The following SPIDR variants were observed in gnomAD, a reference collection of about 807,000 sequenced individuals.
SPIDR encodes DNA repair-scaffolding protein.
A neutral mutation model predicts 104.6 loss-of-function variants in SPIDR; 93 were observed. The observed-to-expected ratio is 0.89, with a 90% CI of 0.75 to 1.06. The LOEUF is 1.06. Among genes scored for constraint, SPIDR ranks in the 50% least tolerant of loss-of-function variants. SPIDR has a pLI of 0.00. For synonymous variants in SPIDR, 431 were observed against 416.9 expected, an observed-to-expected ratio of 1.03 and a Z score of -0.41; for missense variants, 1,154 against 1,111.2, an observed-to-expected ratio of 1.04 and a Z score of -0.55.
chr8:47,493,539 TA>T (rs1410018111), intron 8 of SPIDR, among the ~76,000 whole-genome samples: 1 of 152,214 alleles, frequency 6.6e-6, no homozygotes, highest in East Asian at 1.9e-4. Flanking sequence ...AAAGCCTACT[TA>T]TTTTTCAGTA....
chr8:47,669,139 C>T (rs1483220749), intron 10 of SPIDR, among the ~76,000 whole-genome samples: 1 of 152,132 alleles, frequency 6.6e-6, no homozygotes, highest in Non-Finnish European at 1.5e-5. Flanking sequence ...AATGCTGCCC[C>T]CCGGGAAGCC....
At chr8:47,261,613 C>T (rs1042347887) in intron 1 of SPIDR, among the ~76,000 whole-genome samples, 11 of 152,234 alleles carry the variant, frequency 7.2e-5, no homozygotes, top group African/African-American at 1.9e-4. Context: ...CTTCTAACTT[C>T]CTTGCTTTCA....
intron 8 of SPIDR, among the ~76,000 whole-genome samples, chr8:47,479,890 C>T (rs2076700271): frequency 6.6e-6 from 1 of 152,182 alleles, no homozygotes; most frequent in Non-Finnish European, 1.5e-5. Context: ...GTGAGAACTA[C>T]AATAGCTTCT....
At chr8:47,607,080 G>A (rs934216768) in intron 10 of SPIDR, among the ~76,000 whole-genome samples, 1 of 152,162 alleles carries the variant, frequency 6.6e-6, no homozygotes, top group Non-Finnish European at 1.5e-5. Flanking sequence ...TAAGGTGGTT[G>A]TTGTCACTCA....
intron 10 of SPIDR, among the ~76,000 whole-genome samples, chr8:47,632,637 A>G (rs994013701): frequency 6.6e-6 from 1 of 152,226 alleles, no homozygotes; most frequent in African/African-American, 2.4e-5. Flanking sequence ...CCCACTGCAC[A>G]GCATTTCAGT....
intron 10 of SPIDR, among the ~76,000 whole-genome samples, chr8:47,641,145 A>G (rs191669881): frequency 6.6e-6 from 1 of 151,962 alleles, no homozygotes; most frequent in African/African-American, 2.4e-5. Context: ...AAGAAATTAA[A>G]TAAGACTAGG....
chr8:47,489,090 T>C (rs57210767), intron 8 of SPIDR, among the ~76,000 whole-genome samples: 2,759 of 152,300 alleles, frequency 0.018, 84 homozygotes, highest in African/African-American at 0.064. Flanking sequence ...CATGATTGTA[T>C]ATTTAGAAAA....
At chr8:47,516,780 T>G (rs1240191471) in intron 8 of SPIDR, among the ~76,000 whole-genome samples, 2 of 152,160 alleles carry the variant, frequency 1.3e-5, no homozygotes, top group Non-Finnish European at 2.9e-5. Flanking sequence ...CTCTCAATTT[T>G]TTTTCGGCTA....
At chr8:47,664,938 A>G (rs2074700801) in intron 10 of SPIDR, among the ~76,000 whole-genome samples, 1 of 151,862 alleles carries the variant, frequency 6.6e-6, no homozygotes, top group Non-Finnish European at 1.5e-5. Context: ...TGAAAGGGAG[A>G]AAAGAATGGA....
At position 47,404,930 on chromosome 8, in the gene SPIDR, A is replaced by G. The variant is rs185611041; in HGVS notation, c.777-2931A>G. 4.2e-3 allele frequency among the ~76,000 whole-genome samples: 635 copies of G among 152,354 alleles called. 1 individual carries two copies. The highest frequency in any genetic ancestry group is 6.5e-3 in the Non-Finnish European group (445 of 68,036). On this transcript the variant is annotated intron_variant, in intron 6 of 19. Transcript: ENST00000297423. ...TATGTTTATTGTGGCACTATTCACA[A>G]TAGCCAAGACTTGGAACCAGCCCAA...
chr8:47,667,789 C>T (rs756342738), intron 10 of SPIDR: 23 of 151,992 alleles, frequency 1.5e-4, no homozygotes, highest in South Asian at 2.1e-4. Flanking sequence ...TTTGGCAGCA[C>T]GTATACTGTA....
At chr8:47,710,709 C>T (rs1355362612) in intron 14 of SPIDR, among the ~76,000 whole-genome samples, 2 of 152,154 alleles carry the variant, frequency 1.3e-5, no homozygotes, top group African/African-American at 4.8e-5. Context: ...CTCAGGTTAT[C>T]CGCCTGCCTC....
At chr8:47,642,196 G>A (rs1392671894) in intron 10 of SPIDR, among the ~76,000 whole-genome samples, 1 of 151,904 alleles carries the variant, frequency 6.6e-6, no homozygotes, top group Non-Finnish European at 1.5e-5. Flanking sequence ...GGCCGAGGCA[G>A]GCGGATCACG....
intron 3 of SPIDR, among the ~76,000 whole-genome samples, chr8:47,288,776 A>G (rs1391105887): frequency 6.6e-5 from 10 of 152,252 alleles, no homozygotes; most frequent in Admixed American, 2.6e-4. Flanking sequence ...TTGTGGCACA[A>G]AGTAGTAAGT....
chr8:47,364,099 TATTA>T (rs2056722422), intron 5 of SPIDR, among the ~76,000 whole-genome samples: 1 of 152,240 alleles, frequency 6.6e-6, no homozygotes, highest in Admixed American at 6.5e-5. Context: ...TCTGTAAAAG[TATTA>T]ATTCTTCAGC....
chr8:47,569,683 G>A (rs1004637020), intron 8 of SPIDR, among the ~76,000 whole-genome samples: 1 of 152,084 alleles, frequency 6.6e-6, no homozygotes, highest in African/African-American at 2.4e-5. Context: ...CTTCCATGTT[G>A]GAAAGGAAGA....
intron 11 of SPIDR, among the ~76,000 whole-genome samples, chr8:47,696,800 A>G (rs2079392786): frequency 1.3e-5 from 2 of 152,226 alleles, no homozygotes; most frequent in Non-Finnish European, 2.9e-5. Flanking sequence ...GAATCACAGA[A>G]TCCTACAAGG....
intron 19 of SPIDR, 111 bp from the exon 20 acceptor site, chr8:47,735,196 G>A: frequency 2.0e-6 from 2 of 987,198 alleles, no homozygotes; most frequent in Non-Finnish European, 3.2e-6. Flanking sequence ...GGAGTGGAAG[G>A]TCGTGGACTG....
At chr8:47,539,888 T>C (rs541889542) in intron 8 of SPIDR, among the ~76,000 whole-genome samples, 1 of 152,288 alleles carries the variant, frequency 6.6e-6, no homozygotes, top group African/African-American at 2.4e-5. Context: ...GCCTGGCCTT[T>C]CTAGTGCATG....
Sources: allele counts gnomAD v4.1 joint callset (sites outside exome capture counted in the v4.1 genomes callset), GRCh38; gene constraint gnomAD v4.1.1; transcripts MANE v1.5; gene names NCBI Gene and HGNC (gene_info 2026-07-23, HGNC 2026-07-21).